Variants in SERPINI1 observed in about 807,000 individuals in gnomAD.
SERPINI1 encodes serpin family I member 1, also known as neuroserpin.
A neutral mutation model predicts 41.1 loss-of-function variants in SERPINI1; 19 were observed. The observed-to-expected ratio is 0.46, with a 90% CI of 0.32 to 0.68. The LOEUF is 0.68. Ranked by LOEUF, SERPINI1 falls within the 30% of genes least tolerant of loss-of-function variation. The pLI is 0.03. For synonymous variants in SERPINI1, 138 were observed against 156.6 expected, an observed-to-expected ratio of 0.88 and a Z score of 0.89; for missense variants, 460 against 479.2, an observed-to-expected ratio of 0.96 and a Z score of 0.37.
In SERPINI1 at chr3:167,821,587, G is replaced by A. The variant is rs114012875; in HGVS notation, c.980-1399G>A. On this transcript the variant is annotated intron_variant, in intron 6 of 8. Coordinates refer to ENST00000446050, the MANE Select transcript of SERPINI1 (RefSeq NM_001122752.2). ...CCTCTCACCACTCCACACCTGGCTCGCCCTTGGCAAGTGTGGGATCCGGGC... is the reference window on the plus strand; with the variant it reads ...CCTCTCACCACTCCACACCTGGCTCACCCTTGGCAAGTGTGGGATCCGGGC... 3.4e-3 allele frequency among the ~76,000 whole-genome samples: 516 copies of A among 152,186 alleles called. 4 individuals carry two copies. The highest frequency in any genetic ancestry group is 0.012 in the African/African-American group (479 of 41,540).
intron 4 of SERPINI1, among the ~76,000 whole-genome samples, chr3:167,794,120 G>A (rs1030062895): frequency 2.6e-5 from 4 of 152,000 alleles, no homozygotes; most frequent in African/African-American, 9.7e-5. Context: ...AGTCAACTTG[G>A]AGCCAAGGCT....
intron 1 of SERPINI1, among the ~76,000 whole-genome samples, chr3:167,754,965 T>A (rs1026997437): frequency 1.3e-5 from 2 of 152,218 alleles, no homozygotes. Flanking sequence ...CTTTCTTTCC[T>A]GCTGTTCACA....
At chr3:167,795,298 A>C (rs989047277) in intron 5 of SERPINI1, among the ~76,000 whole-genome samples, 22 of 152,194 alleles carry the variant, frequency 1.4e-4, no homozygotes, top group Non-Finnish European at 2.8e-4. Context: ...GCAACCATAA[A>C]TTAGCAGGAA....
intron 1 of SERPINI1, among the ~76,000 whole-genome samples, chr3:167,756,172 A>G (rs918507631): frequency 1.3e-5 from 2 of 152,134 alleles, no homozygotes; most frequent in African/African-American, 4.8e-5. Flanking sequence ...TCCATGCCCT[A>G]TGCTTTTAAG....
chr3:167,745,569 G>T (rs1725838509), intron 1 of SERPINI1, among the ~76,000 whole-genome samples: 1 of 151,826 alleles, frequency 6.6e-6, no homozygotes, highest in East Asian at 1.9e-4. Context: ...TTCTAGCCAG[G>T]GAAATTAGGC....
intron 5 of SERPINI1, among the ~76,000 whole-genome samples, chr3:167,799,214 C>G (rs931698038): frequency 3.3e-5 from 5 of 152,152 alleles, no homozygotes; most frequent in Middle Eastern, 3.4e-3. Flanking sequence ...TCCAACAGGC[C>G]CCGGTGTGTG....
chr3:167,741,884 T>C (rs911656768), intron 1 of SERPINI1, among the ~76,000 whole-genome samples: 3 of 152,114 alleles, frequency 2.0e-5, no homozygotes, highest in African/African-American at 7.3e-5. Context: ...AGTAATGTCA[T>C]AGAATAATTT....
At chr3:167,758,290 C>T (rs1291667192) in intron 1 of SERPINI1, among the ~76,000 whole-genome samples, 3 of 152,032 alleles carry the variant, frequency 2.0e-5, no homozygotes, top group Admixed American at 1.3e-4. Flanking sequence ...GTGAGTTGGA[C>T]CATCTAAAAA....
At chr3:167,803,663 G>T (rs1228793359) in intron 5 of SERPINI1, among the ~76,000 whole-genome samples, 1 of 152,094 alleles carries the variant, frequency 6.6e-6, no homozygotes, top group Admixed American at 6.5e-5. Context: ...CACCTGACTA[G>T]CTAGTGTTTC....
At chr3:167,754,913 C>G (rs1022679541) in intron 1 of SERPINI1, among the ~76,000 whole-genome samples, 2 of 152,148 alleles carry the variant, frequency 1.3e-5, no homozygotes, top group Non-Finnish European at 2.9e-5. Context: ...CTTTTTCATT[C>G]CCTATTAACT....
chr3:167,792,618 G>A lies in SERPINI1; in HGVS notation c.510G>A (p.Arg170=), dbSNP rs760314901. The A allele has an allele frequency of 1.2e-6, 2 of 1,613,464 alleles. No homozygotes were observed. The highest frequency in any genetic ancestry group is 1.7e-6 in the Non-Finnish European group (2 of 1,179,814). Residue 170 remains arginine (R), a synonymous_variant, in exon 4 of 9, where the codon AGG becomes AGA. Coordinates refer to ENST00000446050, the MANE Select transcript of SERPINI1 (RefSeq NM_001122752.2). The part of the protein sequence containing the change: ...NNLVKDLVSP[R]DFDAATYLAL... ...TGGTGAAAGATTTGGTATCCCCAAG[G>A]GATTTTGATGCTGCCACTTATCTGG...
In SERPINI1 at chr3:167,819,913, C is replaced by T. The variant is rs1577436595; in HGVS notation, c.980-3073C>T. Among the ~76,000 whole-genome samples the T allele has an allele frequency of 2.6e-5, 4 of 152,246 alleles. No homozygotes were observed. In the Middle Eastern group the frequency reaches 0.01, roughly 388 times the overall value. ...TTTGAGTAATTCTTTTTCTTACTCT[C>T]CTGTGCTCTTTCGAAAAATGTATTT... On this transcript the variant is annotated intron_variant, in intron 6 of 8. Coordinates refer to ENST00000446050, the MANE Select transcript of SERPINI1 (RefSeq NM_001122752.2).
rs1725726699 is a variant in SERPINI1, at chr3:167,742,885, C to A, written c.-19+7062C>A. On this transcript the variant is annotated intron_variant, in intron 1 of 8. Coordinates refer to ENST00000446050, the MANE Select transcript of SERPINI1 (RefSeq NM_001122752.2). ...AGAAGTTTAGCAACTCTAACCTTCC[C>A]ATACCAAGTGTTCACTTCAGTGATT... 4.0e-5 allele frequency among the ~76,000 whole-genome samples: 6 copies of A among 150,686 alleles called. No homozygotes were observed. In the Admixed American group the frequency reaches 4.0e-4, roughly 10 times the overall value.
At chr3:167,766,586 G>A (rs574794909) in intron 1 of SERPINI1, among the ~76,000 whole-genome samples, 55 of 152,288 alleles carry the variant, frequency 3.6e-4, no homozygotes, top group African/African-American at 9.1e-4. Flanking sequence ...CCAAAAGCTC[G>A]GCCTCCTGTG....
chr3:167,775,684 A>G (rs1445041503), intron 1 of SERPINI1, among the ~76,000 whole-genome samples: 1 of 133,478 alleles, frequency 7.5e-6, no homozygotes, highest in East Asian at 2.0e-4. Flanking sequence ...TCCTTGAACA[A>G]TGTAGACCTA....
intron 6 of SERPINI1, among the ~76,000 whole-genome samples, chr3:167,809,833 A>G (rs1014841856): frequency 2.0e-5 from 3 of 152,158 alleles, no homozygotes; most frequent in African/African-American, 7.2e-5. Context: ...CATACAGTCT[A>G]AGGACTATTT....
intron 4 of SERPINI1, among the ~76,000 whole-genome samples, chr3:167,793,838 ATGTGTGTGTGTGTG>A (rs56401913): frequency 7.1e-6 from 1 of 141,238 alleles, no homozygotes; most frequent in Non-Finnish European, 1.5e-5. Flanking sequence ...GGCCATATGT[ATGTGTGTGTGTGTG>A]TGTGTGTGTG....
chr3:167,757,891 C>T (rs1192136388), intron 1 of SERPINI1, among the ~76,000 whole-genome samples: 1 of 152,142 alleles, frequency 6.6e-6, no homozygotes, highest in East Asian at 1.9e-4. Flanking sequence ...TACACTCCAG[C>T]TGGGGCAACA....
chr3:167,756,001 G>A (rs1242898309), intron 1 of SERPINI1, among the ~76,000 whole-genome samples: 2 of 151,998 alleles, frequency 1.3e-5, no homozygotes, highest in South Asian at 2.1e-4. Flanking sequence ...AAGGCTTTGA[G>A]TCAGCACCAC....
Sources: allele counts gnomAD v4.1 joint callset (sites outside exome capture counted in the v4.1 genomes callset), GRCh38; gene constraint gnomAD v4.1.1; transcripts MANE v1.5; gene names NCBI Gene and HGNC (gene_info 2026-07-23, HGNC 2026-07-21).